The following RBFOX1 variants were observed in gnomAD, a reference collection of about 807,000 sequenced individuals.
The protein encoded by RBFOX1 is RNA binding protein fox-1 homolog 1.
RBFOX1 carries 8 observed loss-of-function variants against 57.7 expected under a neutral mutation model. That is an observed-to-expected ratio of 0.14 (90% CI 0.08 to 0.25). The LOEUF (loss-of-function observed/expected upper bound fraction) is 0.25, where lower values mean the gene tolerates loss of function less well. Ranked by LOEUF, RBFOX1 falls within the 10% of genes least tolerant of loss-of-function variation. RBFOX1 has a pLI of 1.00. For synonymous variants in RBFOX1, 326 were observed against 222.4 expected, an observed-to-expected ratio of 1.47 and a Z score of -4.15; for missense variants, 611 against 548.5, an observed-to-expected ratio of 1.11 and a Z score of -1.14.
intron 2 of RBFOX1, among the ~76,000 whole-genome samples, chr16:5,472,533 C>T (rs375397328): frequency 2.0e-5 from 3 of 152,060 alleles, no homozygotes; most frequent in Admixed American, 1.3e-4. Flanking sequence ...TAATGCTATC[C>T]CAGGGGTCAG....
intron 2 of RBFOX1, among the ~76,000 whole-genome samples, chr16:6,566,984 C>G (rs148352149): frequency 1.3e-5 from 2 of 152,078 alleles, no homozygotes; most frequent in Admixed American, 6.5e-5. Context: ...ACTACCTGTC[C>G]CAGCTTAAAT....
chr16:6,611,370 C>T (rs866400777), intron 2 of RBFOX1, among the ~76,000 whole-genome samples: 2 of 152,190 alleles, frequency 1.3e-5, no homozygotes, highest in South Asian at 4.1e-4. Context: ...TGATCTCAAA[C>T]TCCTGACCTC....
chr16:7,335,383 G>A (rs1007759532), intron 4 of RBFOX1, among the ~76,000 whole-genome samples: 1 of 152,174 alleles, frequency 6.6e-6, no homozygotes, highest in African/African-American at 2.4e-5. Context: ...ATCACTGGGA[G>A]TAATTTCTCT....
chr16:7,250,183 A>C (rs1002767904), intron 4 of RBFOX1, among the ~76,000 whole-genome samples: 1 of 152,158 alleles, frequency 6.6e-6, no homozygotes, highest in African/African-American at 2.4e-5. Flanking sequence ...TTTGTTTTTA[A>C]AATTCAAATG....
chr16:5,701,307 C>T (rs1417927459), intron 3 of RBFOX1, among the ~76,000 whole-genome samples: 1 of 152,158 alleles, frequency 6.6e-6, no homozygotes, highest in Non-Finnish European at 1.5e-5. Context: ...CAATGTAATG[C>T]AAACAAATAC....
intron 3 of RBFOX1, chr16:6,724,035 T>C (rs2066581947): frequency 1.3e-5 from 2 of 152,104 alleles, no homozygotes; most frequent in South Asian, 4.1e-4. Flanking sequence ...TCTGAATATT[T>C]GTGTACCCTG....
chr16:5,501,699 A>T lies in RBFOX1; in HGVS notation c.258+34445A>T, dbSNP rs545707663. Reference sequence around the variant, plus strand: ...CATGGTGTGTGGGTAGTACCCAGTGAATGTTAATCTGATGATTACTATTAT... The same window carrying T: ...CATGGTGTGTGGGTAGTACCCAGTGTATGTTAATCTGATGATTACTATTAT... On this transcript the variant is annotated intron_variant, in intron 2 of 2. Coordinates refer to the RBFOX1 transcript ENST00000585867. Among the ~76,000 whole-genome samples, 5 of 152,168 alleles carry T rather than the reference A, an allele frequency of 3.3e-5. No homozygotes were observed. The East Asian group carries it at 7.7e-4, about 23-fold the overall frequency.
intron 2 of RBFOX1, among the ~76,000 whole-genome samples, chr16:6,510,457 T>C (rs2096231286): frequency 6.6e-6 from 1 of 152,178 alleles, no homozygotes; most frequent in African/African-American, 2.4e-5. Flanking sequence ...CTAAGAAAGA[T>C]GTGATTTTGG....
chr16:5,572,596 G>A (rs959086087), intron 2 of RBFOX1, among the ~76,000 whole-genome samples: 1 of 152,190 alleles, frequency 6.6e-6, no homozygotes, highest in African/African-American at 2.4e-5. Flanking sequence ...ATCACCTGAG[G>A]TTGAGAACCC....
At chr16:7,702,795 T>TTTGC (rs2081194194) in intron 14 of RBFOX1, among the ~76,000 whole-genome samples, 1 of 152,224 alleles carries the variant, frequency 6.6e-6, no homozygotes, top group African/African-American at 2.4e-5. Flanking sequence ...AACTCATTGG[T>TTTGC]AATGATACCA....
chr16:6,278,832 A>G (rs1321463204), intron 1 of RBFOX1, among the ~76,000 whole-genome samples: 3 of 152,196 alleles, frequency 2.0e-5, no homozygotes, highest in African/African-American at 7.2e-5. Flanking sequence ...ACAGCATTGT[A>G]AGGTTCATAA....
At chr16:6,253,761 G>A (rs370467740) in intron 1 of RBFOX1, among the ~76,000 whole-genome samples, 6 of 150,122 alleles carry the variant, frequency 4.0e-5, no homozygotes, top group East Asian at 4.0e-4. Context: ...TATAAATTTG[G>A]AATTCAAAAT....
chr16:5,360,368 G>T (rs1302370308), intron 1 of RBFOX1, among the ~76,000 whole-genome samples: 2 of 152,208 alleles, frequency 1.3e-5, no homozygotes, highest in Non-Finnish European at 2.9e-5. Flanking sequence ...CCTATTTTCT[G>T]TGTTCTGCTT....
chr16:6,580,236 C>G (rs2097516890), intron 2 of RBFOX1, among the ~76,000 whole-genome samples: 1 of 152,176 alleles, frequency 6.6e-6, no homozygotes, highest in East Asian at 1.9e-4. Flanking sequence ...GGATTACAGG[C>G]ATGAGCCACC....
At chr16:7,233,542 T>C (rs1385839565) in intron 4 of RBFOX1, among the ~76,000 whole-genome samples, 2 of 152,180 alleles carry the variant, frequency 1.3e-5, no homozygotes, top group Non-Finnish European at 2.9e-5. Flanking sequence ...ATTAAAGTCC[T>C]GAAAATTTTA....
intron 2 of RBFOX1, among the ~76,000 whole-genome samples, chr16:6,601,832 A>G (rs1207941484): frequency 6.6e-6 from 1 of 152,172 alleles, no homozygotes; most frequent in Non-Finnish European, 1.5e-5. Flanking sequence ...GGAATTGAAG[A>G]TGTTAAAGAG....
intron 3 of RBFOX1, among the ~76,000 whole-genome samples, chr16:6,960,516 G>C (rs924176031): frequency 3.3e-5 from 5 of 152,010 alleles, no homozygotes; most frequent in Admixed American, 6.6e-5. Flanking sequence ...CCTCAGTTTG[G>C]TCTGGGAACA....
chr16:6,687,798 A>G (rs77136371), intron 3 of RBFOX1, among the ~76,000 whole-genome samples: 4,766 of 152,202 alleles, frequency 0.031, 254 homozygotes, highest in African/African-American at 0.11. Flanking sequence ...CTTACTCCCT[A>G]TTGGCTAGAA....
intron 5 of RBFOX1, among the ~76,000 whole-genome samples, chr16:7,576,706 C>A (rs1291923675): frequency 6.6e-6 from 1 of 152,164 alleles, no homozygotes; most frequent in East Asian, 1.9e-4. Context: ...TGCTATTAAT[C>A]ATTTAATATG....
Sources: allele counts gnomAD v4.1 joint callset (sites outside exome capture counted in the v4.1 genomes callset), GRCh38; gene constraint gnomAD v4.1.1; transcripts MANE v1.5; gene names NCBI Gene and HGNC (gene_info 2026-07-23, HGNC 2026-07-21).